ASIC2: variants seen among roughly 807,000 people sequenced by gnomAD.
ASIC2 encodes the protein acid-sensing ion channel 2.
A neutral mutation model predicts 57.3 loss-of-function variants in ASIC2; 25 were observed. That is an observed-to-expected ratio of 0.44 (90% CI 0.32 to 0.61). ASIC2 has a LOEUF of 0.61. Among genes scored for constraint, ASIC2 ranks in the 20% least tolerant of loss-of-function variants. The pLI is 0.06. For synonymous variants in ASIC2, 319 were observed against 307.5 expected, an observed-to-expected ratio of 1.04 and a Z score of -0.39; for missense variants, 641 against 738.1, an observed-to-expected ratio of 0.87 and a Z score of 1.52.
intron 1 of ASIC2, among the ~76,000 whole-genome samples, chr17:33,160,408 G>C (rs964148019): frequency 5.9e-5 from 9 of 152,194 alleles, no homozygotes; most frequent in African/African-American, 1.9e-4. Context: ...CATACAGGCA[G>C]AGTCCTTCTA....
intron 1 of ASIC2, among the ~76,000 whole-genome samples, chr17:33,387,839 A>G (rs1363285362): frequency 1.3e-5 from 2 of 152,180 alleles, no homozygotes; most frequent in Non-Finnish European, 2.9e-5. Flanking sequence ...AGGCAGAGGA[A>G]GGTTTGAGCA....
At chr17:33,593,659 C>T (rs1266371208) in intron 1 of ASIC2, among the ~76,000 whole-genome samples, 3 of 152,164 alleles carry the variant, frequency 2.0e-5, no homozygotes, top group Non-Finnish European at 4.4e-5. Flanking sequence ...TAGACGAAAG[C>T]CAGCCACACA....
rs887475401 is a variant in ASIC2 at position 34,080,176 on chromosome 17, A to G, written c.555+75802T>C. Among the ~76,000 whole-genome samples the G allele has an allele frequency of 4.6e-5, 7 of 152,224 alleles. No individual in the cohort carries two copies. In the South Asian group the frequency reaches 1.5e-3, roughly 32 times the overall value. On this transcript the variant is annotated intron_variant, in intron 1 of 9. Coordinates refer to the ASIC2 transcript ENST00000359872. ...GGACCATTAATAGCCTCTTGAAAGG[A>G]AAAGAAAATACCACCAAAACTATGA...
chr17:33,329,160 C>G (rs1789079830), intron 1 of ASIC2, among the ~76,000 whole-genome samples: 1 of 152,138 alleles, frequency 6.6e-6, no homozygotes, highest in African/African-American at 2.4e-5. Context: ...GGTTCAAATC[C>G]CAGCACCATT....
At position 33,111,966 on chromosome 17, in the gene ASIC2, G is replaced by C; in HGVS notation, c.810C>G (p.Ile270Met). The C allele has an allele frequency of 6.2e-7, 1 of 1,614,042 alleles. No individual in the cohort carries two copies. Among genetic ancestry groups the C allele is most frequent in the Non-Finnish European group, 8.5e-7 (1 of 1,179,990 alleles). The change falls in exon 2 of 10, where the codon ATC (isoleucine) becomes ATG (methionine). Residue 270 changes from isoleucine to methionine, a missense_variant. Ile to Met is a conservative substitution (Grantham distance 10). Transcript: ENST00000225823. Reference protein sequence around the residue: ...VKGGTGNGLEIMLDIQQDEYL... With the variant: ...VKGGTGNGLEMMLDIQQDEYL... ...ACTCATCCTGCTGAATGTCCAGCATGATCTCCAGCCCGTTGCCTGTCCCCC... is the reference window on the plus strand; with the variant it reads ...ACTCATCCTGCTGAATGTCCAGCATCATCTCCAGCCCGTTGCCTGTCCCCC...
intron 1 of ASIC2, among the ~76,000 whole-genome samples, chr17:33,473,506 T>G (rs1032243004): frequency 6.6e-6 from 1 of 152,106 alleles, no homozygotes; most frequent in African/African-American, 2.4e-5. Flanking sequence ...CAAGCAGGAA[T>G]GAGTACCACG....
At chr17:34,067,282 T>G (rs185200586) in intron 1 of ASIC2, among the ~76,000 whole-genome samples, 1 of 152,218 alleles carries the variant, frequency 6.6e-6, no homozygotes. Flanking sequence ...TGTACAAGTA[T>G]GGACTTCAGA....
chr17:33,824,108 T>A (rs1357215930), intron 1 of ASIC2, among the ~76,000 whole-genome samples: 1 of 152,146 alleles, frequency 6.6e-6, no homozygotes, highest in African/African-American at 2.4e-5. Flanking sequence ...ACCATTCTTA[T>A]AAGGGAGAGG....
chr17:33,032,052 C>T (rs184939464), intron 3 of ASIC2, among the ~76,000 whole-genome samples: 3 of 152,210 alleles, frequency 2.0e-5, no homozygotes, highest in East Asian at 3.9e-4. Flanking sequence ...TGTATCTTAT[C>T]CTGTCTGACA....
chr17:33,298,979 A>T (rs1905837856), intron 1 of ASIC2, among the ~76,000 whole-genome samples: 1 of 152,364 alleles, frequency 6.6e-6, no homozygotes, highest in African/African-American at 2.4e-5. Flanking sequence ...GCTCATGGAT[A>T]AGAGGAATCA....
At chr17:34,055,281 A>G (rs1042991765) in intron 1 of ASIC2, among the ~76,000 whole-genome samples, 2 of 152,254 alleles carry the variant, frequency 1.3e-5, no homozygotes, top group Non-Finnish European at 2.9e-5. Context: ...TTACAAAGTA[A>G]TCCAAATAAT....
At chr17:33,876,635 C>T (rs970918576) in intron 1 of ASIC2, among the ~76,000 whole-genome samples, 3 of 152,156 alleles carry the variant, frequency 2.0e-5, no homozygotes, top group Non-Finnish European at 4.4e-5. Context: ...TAAGAAGCCT[C>T]CCTCACCCAC....
chr17:33,184,672 G>A (rs1906118574), intron 1 of ASIC2, among the ~76,000 whole-genome samples: 1 of 152,120 alleles, frequency 6.6e-6, no homozygotes, highest in African/African-American at 2.4e-5. Context: ...ATCCTTTGCT[G>A]CCCTATTTAC....
At chr17:34,122,818 G>A (rs1276560276) in intron 1 of ASIC2, among the ~76,000 whole-genome samples, 2 of 152,192 alleles carry the variant, frequency 1.3e-5, no homozygotes, top group Non-Finnish European at 2.9e-5. Flanking sequence ...TTTCATCAGA[G>A]CAGCGCTCCT....
chr17:33,337,967 TGC>T, intron 1 of ASIC2, among the ~76,000 whole-genome samples: 1 of 147,964 alleles, frequency 6.8e-6, no homozygotes, highest in East Asian at 2.0e-4. Flanking sequence ...GCAAAGAGGA[TGC>T]AGATGTTTCT....
rs114477713 is a variant in ASIC2 at position 33,451,656 on chromosome 17, C to T, written c.556-339589G>A. On this transcript the variant is annotated intron_variant, in intron 1 of 9. Coordinates refer to the ASIC2 transcript ENST00000359872. ...ACTACATCCCTTATGCCCTCTCTTT[C>T]ATCCACTTTTATTCAGAATAACTAG... Among the ~76,000 whole-genome samples, 604 of 152,280 alleles carry T rather than the reference C, an allele frequency of 4.0e-3. 4 individuals are homozygous for T. Among genetic ancestry groups the T allele is most frequent in the African/African-American group, 0.014 (576 of 41,544 alleles).
At chr17:33,749,765 T>G (rs1910373097) in intron 1 of ASIC2, among the ~76,000 whole-genome samples, 1 of 152,106 alleles carries the variant, frequency 6.6e-6, no homozygotes, top group Non-Finnish European at 1.5e-5. Context: ...TCCAATTTGG[T>G]CTCTGTCATG....
intron 1 of ASIC2, among the ~76,000 whole-genome samples, chr17:33,367,633 G>C (rs1908865500): frequency 6.6e-6 from 1 of 152,144 alleles, no homozygotes; most frequent in Non-Finnish European, 1.5e-5. Context: ...ATTCTGTTGT[G>C]AGCAAAATCA....
intron 1 of ASIC2, among the ~76,000 whole-genome samples, chr17:33,693,989 A>G (rs565147715): frequency 6.6e-6 from 1 of 152,264 alleles, no homozygotes; most frequent in African/African-American, 2.4e-5. Context: ...TTTTCTTCCT[A>G]TGGACTGTGT....
Sources: allele counts gnomAD v4.1 joint callset (sites outside exome capture counted in the v4.1 genomes callset), GRCh38; gene constraint gnomAD v4.1.1; transcripts MANE v1.5; gene names NCBI Gene and HGNC (gene_info 2026-07-23, HGNC 2026-07-21).